ASZ1: variants seen among roughly 807,000 people sequenced by gnomAD.
ASZ1 encodes ankyrin repeat, SAM and basic leucine zipper domain-containing protein 1.
Under a neutral mutation model 61.8 loss-of-function variants are expected in ASZ1, and 67 were observed. The observed-to-expected ratio is 1.08, with a 90% CI of 0.89 to 1.33. The LOEUF is 1.33. Among genes scored for constraint, ASZ1 ranks in the 40% most tolerant of loss-of-function variants. ASZ1 has a pLI of 0.00. For missense variants in ASZ1, 577 were observed against 554.5 expected, an observed-to-expected ratio of 1.04 and a Z score of -0.41; for synonymous variants, 193 against 192.7, an observed-to-expected ratio of 1.00 and a Z score of -0.01.
chr7:117,410,542 G>GT (rs886769205), intron 4 of ASZ1, among the ~76,000 whole-genome samples: 1 of 151,610 alleles, frequency 6.6e-6, no homozygotes, highest in Non-Finnish European at 1.5e-5. Flanking sequence ...GTATAGCAGG[G>GT]TTTTATTCAA....
chr7:117,367,598 TACTG>T, intron 11 of ASZ1, 133 bp from the exon 12 acceptor site: 2 of 1,167,032 alleles, frequency 1.7e-6, no homozygotes, highest in Non-Finnish European at 1.1e-6. Flanking sequence ...TTAGGATAAA[TACTG>T]ACACCAAAAA....
At chr7:117,393,747 C>T (rs1796521717) in intron 4 of ASZ1, among the ~76,000 whole-genome samples, 1 of 152,082 alleles carries the variant, frequency 6.6e-6, no homozygotes, top group Non-Finnish European at 1.5e-5. Flanking sequence ...TTATTTCTGA[C>T]ATTTTTGCAC....
chr7:117,387,521 A>T (rs1257296371), intron 4 of ASZ1, among the ~76,000 whole-genome samples: 1 of 152,168 alleles, frequency 6.6e-6, no homozygotes, highest in Non-Finnish European at 1.5e-5. Flanking sequence ...CTATTTCATA[A>T]AGCCACCATT....
chr7:117,422,153 GT>G (rs377182652), intron 3 of ASZ1, 83 bp downstream of exon 3: 1 of 1,468,378 alleles, frequency 6.8e-7, no homozygotes, highest in Non-Finnish European at 9.2e-7. Flanking sequence ...AATGGCTTTA[GT>G]TTTTTGCACT....
chr7:117,364,843 A>C (rs912824890), intron 12 of ASZ1, among the ~76,000 whole-genome samples: 3 of 152,162 alleles, frequency 2.0e-5, no homozygotes, highest in African/African-American at 7.2e-5. Context: ...ATCCTGAGAC[A>C]GTCATTCCTT....
chr7:117,403,629 A>G (rs1347584495), intron 4 of ASZ1, among the ~76,000 whole-genome samples: 1 of 152,168 alleles, frequency 6.6e-6, no homozygotes, highest in Non-Finnish European at 1.5e-5. Context: ...AACTTGTAAT[A>G]CTAGTTCAAC....
chr7:117,425,882 C>A (rs1797198641), intron 2 of ASZ1, among the ~76,000 whole-genome samples: 1 of 152,044 alleles, frequency 6.6e-6, no homozygotes, highest in Admixed American at 6.5e-5. Context: ...CCCGGCTACT[C>A]CGGAGGCTGA....
At chr7:117,422,807 G>A (rs1797124290) in intron 2 of ASZ1, among the ~76,000 whole-genome samples, 3 of 151,934 alleles carry the variant, frequency 2.0e-5, no homozygotes, top group Non-Finnish European at 2.9e-5. Context: ...CTTACCCATG[G>A]GTGACTGATA....
chr7:117,406,735 A>G (rs772889130), intron 4 of ASZ1, among the ~76,000 whole-genome samples: 4 of 148,790 alleles, frequency 2.7e-5, no homozygotes, highest in Non-Finnish European at 5.9e-5. Context: ...CCTGGGCAAC[A>G]AAGAGCGAAA....
In ASZ1 at chr7:117,380,009, A is replaced by C; in HGVS notation, c.984T>G (p.Ala328=). 1 of 1,606,906 alleles carries C rather than the reference A, an allele frequency of 6.2e-7. No individual in the cohort carries two copies. The highest frequency in any genetic ancestry group is 8.5e-7 in the Non-Finnish European group (1 of 1,176,508). Residue 328 remains alanine, a synonymous_variant, in exon 10 of 13, where the codon GCT becomes GCG. Transcript: ENST00000284629. ...CTTCTACCTGTAGTTCTTTAAGAGC[A>C]GCCAGAATTTTCTGCTGGTCTTTAC... is the stretch of plus-strand genomic sequence containing the variant. ...ITSKDQQKIL[A]ALKELQVEEI... is the part of the protein sequence containing the mutation.
At chr7:117,408,837 G>T (rs1303811340) in intron 4 of ASZ1, among the ~76,000 whole-genome samples, 1 of 152,074 alleles carries the variant, frequency 6.6e-6, no homozygotes, top group Non-Finnish European at 1.5e-5. Flanking sequence ...GGGTTCAGGG[G>T]ATTATCTTGG....
Position 117,380,053 on chromosome 7 carries a change from C to G in ASZ1, c.946-6G>C, listed in dbSNP as rs1391823488. On this transcript the variant is annotated splice_polypyrimidine_tract_variant and splice_region_variant and intron_variant, in intron 9 of 12. Transcript: ENST00000284629. ...TCTTTACTGGTAATTCCATTCTAAGCAGAAATAATTTTAAGGTACAGTAAG... is the reference window on the plus strand; with the variant it reads ...TCTTTACTGGTAATTCCATTCTAAGGAGAAATAATTTTAAGGTACAGTAAG... The G allele has an allele frequency of 6.5e-7, 1 of 1,544,592 alleles. No individual in the cohort carries two copies. The highest frequency in any genetic ancestry group is 1.4e-5 in the African/African-American group (1 of 73,128).
At position 117,408,709 on chromosome 7, in the gene ASZ1, CAT is replaced by C. The variant is rs1433445956; in HGVS notation, c.440+11452_440+11453del. ...AGAAATGAACTACTGATACACAAAA[CAT>C]AGGTTCTCAAAAACATGCTGAGCAA... On this transcript the variant is annotated intron_variant, in intron 4 of 12. Transcript: ENST00000284629. Among the ~76,000 whole-genome samples, 4 of 152,082 alleles carry C rather than the reference CAT, an allele frequency of 2.6e-5. No homozygotes were observed. The East Asian group carries it at 7.7e-4, about 29-fold the overall frequency.
intron 10 of ASZ1, among the ~76,000 whole-genome samples, chr7:117,379,215 A>C (rs1250116994): frequency 6.8e-6 from 1 of 147,568 alleles, no homozygotes; most frequent in Non-Finnish European, 1.5e-5. Flanking sequence ...ATAACTCACA[A>C]AATATGAGTA....
chr7:117,393,938 T>C (rs1052848792), intron 4 of ASZ1, among the ~76,000 whole-genome samples: 3 of 152,206 alleles, frequency 2.0e-5, no homozygotes, highest in Non-Finnish European at 4.4e-5. Context: ...AACATGCTTA[T>C]CCTTACTATT....
At chr7:117,388,586 C>T (rs1796403755) in intron 4 of ASZ1, among the ~76,000 whole-genome samples, 1 of 151,876 alleles carries the variant, frequency 6.6e-6, no homozygotes, top group Non-Finnish European at 1.5e-5. Flanking sequence ...TTTACAAAAT[C>T]CAACATTTAT....
intron 4 of ASZ1, among the ~76,000 whole-genome samples, chr7:117,387,144 TAAAAAAA>T (rs577384608): frequency 4.1e-5 from 5 of 121,810 alleles, no homozygotes; most frequent in African/African-American, 6.2e-5. Flanking sequence ...TACCTCTACT[TAAAAAAA>T]AAAAAAAAAA....
At position 117,367,426 on chromosome 7, in the gene ASZ1, C is replaced by G; in HGVS notation, c.1201G>C (p.Val401Leu). The change falls in exon 12 of 13, where the codon GTT becomes CTT. Residue 401 changes from valine (V) to leucine (L), a missense_variant. Coordinates refer to ENST00000284629, the MANE Select transcript of ASZ1 (RefSeq NM_130768.3). ...ACATTATTAACCAATTCTTCACAAA[C>G]TGAAGTAAAATTCTGGGGAGAAGCC... is the stretch of plus-strand genomic sequence containing the variant. ...EWASPQNFTS[V>L]CEELVNNVED... is the part of the protein sequence containing the mutation. 2 of 1,559,412 alleles carry G rather than the reference C, an allele frequency of 1.3e-6. No homozygotes were observed. The highest frequency in any genetic ancestry group is 1.2e-5 in the South Asian group (1 of 80,826).
chr7:117,418,563 G>T (rs1797039509), intron 4 of ASZ1, among the ~76,000 whole-genome samples: 1 of 151,796 alleles, frequency 6.6e-6, no homozygotes, highest in South Asian at 2.1e-4. Flanking sequence ...TAAGGCAAGA[G>T]AATCATTTGA....
Sources: gnomAD v4.1 joint callset for allele counts (sites outside exome capture counted in the v4.1 genomes callset) on GRCh38, gnomAD v4.1.1 for gene constraint, MANE v1.5 for transcripts, NCBI Gene and HGNC (gene_info 2026-07-23, HGNC 2026-07-21) for gene names.